The following TENM3 variants were observed in gnomAD, a reference collection of about 807,000 sequenced individuals.
TENM3 encodes the protein teneurin transmembrane protein 3.
A neutral mutation model predicts 255.1 loss-of-function variants in TENM3; 63 were observed. The observed-to-expected ratio is 0.25, with a 90% CI of 0.20 to 0.30. The LOEUF is 0.30. Among genes scored for constraint, TENM3 ranks in the 10% least tolerant of loss-of-function variants. The pLI, the probability that TENM3 is intolerant of heterozygous loss-of-function variation, is 1.00. For synonymous variants in TENM3, 1,306 were observed against 1,322.3 expected (o/e 0.99, Z 0.27); for missense variants, 2,929 against 3,461.1 (o/e 0.85, Z 3.86).
the TENM3 span, among the ~76,000 whole-genome samples, chr4:181,825,400 C>G: frequency 1.4e-5 from 1 of 70,424 alleles, no homozygotes; most frequent in African/African-American, 5.8e-5. Context: ...GACTCCATCT[C>G]AAAAAAAAAA....
At chr4:181,850,134 T>G in the TENM3 span, among the ~76,000 whole-genome samples, 2 of 152,102 alleles carry the variant, frequency 1.3e-5, no homozygotes, top group South Asian at 2.1e-4. Context: ...ATTCACTCAT[T>G]ATTTCTTCCT....
the TENM3 span, among the ~76,000 whole-genome samples, chr4:181,678,842 A>AC: frequency 2.5e-5 from 1 of 40,568 alleles, no homozygotes; most frequent in Non-Finnish European, 6.4e-5. Flanking sequence ...TGTTTTAAAC[A>AC]AAAAAAAAAA....
chr4:181,967,172 G>GAC, the TENM3 span, among the ~76,000 whole-genome samples: 1 of 152,116 alleles, frequency 6.6e-6, no homozygotes, highest in Non-Finnish European at 1.5e-5. Flanking sequence ...TATGTGCAAA[G>GAC]ACAATGCTTT....
At chr4:182,698,220 C>G (rs372106018) in intron 12 of TENM3, 1 of 152,142 alleles carries the variant, frequency 6.6e-6, no homozygotes, top group South Asian at 2.1e-4. Flanking sequence ...GTGTTTCTAT[C>G]ATAGTTTAGC....
intron 18 of TENM3, among the ~76,000 whole-genome samples, chr4:182,739,380 A>G (rs1761427502): frequency 6.6e-6 from 1 of 152,218 alleles, no homozygotes; most frequent in East Asian, 1.9e-4. Flanking sequence ...CATCTCAGAC[A>G]ACCTGAAGGG....
the TENM3 span, among the ~76,000 whole-genome samples, chr4:181,674,036 C>G: frequency 6.6e-6 from 1 of 152,062 alleles, no homozygotes; most frequent in Non-Finnish European, 1.5e-5. Flanking sequence ...GGCTCTGTAG[C>G]CCTAGCTGGA....
At chr4:181,931,168 C>A in the TENM3 span, among the ~76,000 whole-genome samples, 1 of 152,138 alleles carries the variant, frequency 6.6e-6, no homozygotes, top group Non-Finnish European at 1.5e-5. Context: ...CTGGCCAGGG[C>A]AATCAGGCAA....
At chr4:182,325,752 T>A (rs986756782) in intron 2 of TENM3, among the ~76,000 whole-genome samples, 2 of 150,468 alleles carry the variant, frequency 1.3e-5, no homozygotes, top group Non-Finnish European at 1.5e-5. Context: ...GAAAAAAAAA[T>A]AAAAAAATTA....
intron 3 of TENM3, among the ~76,000 whole-genome samples, chr4:182,585,250 A>G (rs955852755): frequency 5.3e-5 from 8 of 152,138 alleles, no homozygotes; most frequent in Non-Finnish European, 1.0e-4. Flanking sequence ...AGTATTTACA[A>G]TAGGAAATTG....
At chr4:181,564,620 C>T in the TENM3 span, among the ~76,000 whole-genome samples, 14 of 152,176 alleles carry the variant, frequency 9.2e-5, no homozygotes, top group African/African-American at 2.9e-4. Flanking sequence ...AAGGGGTCTT[C>T]GTCAAAACAT....
chr4:182,021,836 A>G, the TENM3 span, among the ~76,000 whole-genome samples: 2 of 152,332 alleles, frequency 1.3e-5, no homozygotes, highest in South Asian at 2.1e-4. Flanking sequence ...TGAAAAAAGC[A>G]TGTATCACCT....
At chr4:182,770,760 T>C (rs1764137167) in intron 22 of TENM3, among the ~76,000 whole-genome samples, 2 of 152,318 alleles carry the variant, frequency 1.3e-5, no homozygotes, top group East Asian at 1.9e-4. Flanking sequence ...CCCAGACTTC[T>C]CTGTTTTCAC....
chr4:181,990,076 G>A, the TENM3 span, among the ~76,000 whole-genome samples: 7 of 152,022 alleles, frequency 4.6e-5, no homozygotes, highest in African/African-American at 1.7e-4. Context: ...ATCTCATTTA[G>A]TACAATGTAT....
chr4:182,297,679 GT>G (rs1265494937), intron 1 of TENM3, among the ~76,000 whole-genome samples: 1 of 152,148 alleles, frequency 6.6e-6, no homozygotes, highest in Non-Finnish European at 1.5e-5. Flanking sequence ...CCCCATTTGT[GT>G]TTTTCACGGT....
At position 182,792,207 on chromosome 4, in the gene TENM3, G is replaced by C; in HGVS notation, c.5602-67G>C. On this transcript the variant is annotated intron_variant, in intron 25 of 27. Coordinates refer to ENST00000511685, the MANE Select transcript of TENM3 (RefSeq NM_001080477.4). The surrounding 1 kb of genome is among the most constrained non-coding windows in gnomAD (Gnocchi z 6.3). ...AGTGGAATGTTTCTGTGCATCTGTG[G>C]TCACTAAATCTGCTTTTGCATCTCC... The C allele has an allele frequency of 7.2e-7, 1 of 1,396,924 alleles. No individual in the cohort carries two copies. The highest frequency in any genetic ancestry group is 9.9e-7 in the Non-Finnish European group (1 of 1,007,760). 86.5% of individuals were successfully genotyped at this position (1,396,924 alleles called of 1,614,324 possible). A position where few individuals can be genotyped will look rare whatever the true frequency, so the allele number is the denominator to read the frequency against.
the TENM3 span, among the ~76,000 whole-genome samples, chr4:182,135,043 T>C: frequency 2.6e-5 from 4 of 151,278 alleles, no homozygotes; most frequent in African/African-American, 7.3e-5. Context: ...CCATCTCTAC[T>C]AAAAATACAA....
At chr4:181,615,763 C>G in the TENM3 span, among the ~76,000 whole-genome samples, 3 of 152,116 alleles carry the variant, frequency 2.0e-5, no homozygotes, top group Non-Finnish European at 4.4e-5. Context: ...TGATTGTGTT[C>G]GTCGTGATTG....
At chr4:181,618,765 G>A in the TENM3 span, among the ~76,000 whole-genome samples, 4 of 152,182 alleles carry the variant, frequency 2.6e-5, no homozygotes, top group African/African-American at 7.2e-5. Context: ...CTTACAACAC[G>A]AAATTGATTA....
intron 1 of TENM3, among the ~76,000 whole-genome samples, chr4:182,171,991 T>C (rs532120817): frequency 6.6e-6 from 1 of 152,214 alleles, no homozygotes; most frequent in Admixed American, 6.5e-5. Flanking sequence ...TATGTTATGA[T>C]CATTTTCATT....
Sources: allele counts gnomAD v4.1 joint callset (sites outside exome capture counted in the v4.1 genomes callset), GRCh38; gene constraint gnomAD v4.1.1; non-coding constraint Gnocchi (gnomAD v3.1); transcripts MANE v1.5; gene names NCBI Gene and HGNC (gene_info 2026-07-23, HGNC 2026-07-21).